RAB2A: variants seen among roughly 807,000 people sequenced by gnomAD.
RAB2A encodes ras-related protein Rab-2A.
Under a neutral mutation model 32.5 loss-of-function variants are expected in RAB2A, and 7 were observed. That is an observed-to-expected ratio of 0.22 (90% CI 0.12 to 0.40). RAB2A has a LOEUF of 0.40. Among genes scored for constraint, RAB2A ranks in the 10% least tolerant of loss-of-function variants. The pLI is 1.00. For missense variants in RAB2A, 108 were observed against 260.7 expected (o/e 0.41, Z 4.03); for synonymous variants, 79 against 85.2 (o/e 0.93, Z 0.40).
At chr8:60,611,643 A>G (rs1406084043) in intron 6 of RAB2A, among the ~76,000 whole-genome samples, 1 of 152,242 alleles carries the variant, frequency 6.6e-6, no homozygotes, top group East Asian at 1.9e-4. Context: ...CTAAATTGCT[A>G]AGGAATTAAA....
chr8:60,585,171 C>T (rs1016883140), intron 5 of RAB2A, among the ~76,000 whole-genome samples: 2 of 152,166 alleles, frequency 1.3e-5, no homozygotes, highest in African/African-American at 4.8e-5. Flanking sequence ...AACCTTCTTG[C>T]TTGACCAGTT....
At chr8:60,550,494 C>T (rs2130824894) in intron 1 of RAB2A, among the ~76,000 whole-genome samples, 1 of 152,112 alleles carries the variant, frequency 6.6e-6, no homozygotes, top group African/African-American at 2.4e-5. Context: ...AAGCGATCCT[C>T]CCACCTCAGC....
intron 2 of RAB2A, among the ~76,000 whole-genome samples, chr8:60,568,519 A>T (rs954556853): frequency 6.6e-6 from 1 of 152,178 alleles, no homozygotes; most frequent in Non-Finnish European, 1.5e-5. Flanking sequence ...AAAAAATCTC[A>T]TGAGATAGGT....
intron 1 of RAB2A, among the ~76,000 whole-genome samples, chr8:60,540,828 C>T (rs1220848366): frequency 6.6e-6 from 1 of 152,074 alleles, no homozygotes; most frequent in East Asian, 1.9e-4. Context: ...AATGTTAAAA[C>T]AATATGGAAG....
chr8:60,586,058 T>C (rs1208080682), intron 5 of RAB2A, among the ~76,000 whole-genome samples: 8 of 152,180 alleles, frequency 5.3e-5, no homozygotes, highest in Non-Finnish European at 8.8e-5. Flanking sequence ...CCCAACACTT[T>C]GGGAGGCCCA....
At chr8:60,549,479 C>CT (rs34956255) in intron 1 of RAB2A, among the ~76,000 whole-genome samples, 17,864 of 139,264 alleles carry the variant, frequency 0.13, 1,374 homozygotes, top group East Asian at 0.26. Context: ...CTCCACCAAC[C>CT]TTTTTTTTTT....
chr8:60,548,565 A>C (rs1159800154), intron 1 of RAB2A, among the ~76,000 whole-genome samples: 387 of 66,656 alleles, frequency 5.8e-3, no homozygotes, highest in Admixed American at 9.3e-3. Flanking sequence ...GGCAGAGGGG[A>C]TCCTCACTTC....
intron 3 of RAB2A, among the ~76,000 whole-genome samples, chr8:60,575,093 G>GGT (rs1491174395): frequency 1.6e-5 from 2 of 128,144 alleles, no homozygotes; most frequent in African/African-American, 2.9e-5. Context: ...TTTTTTGGGG[G>GGT]TTTTTTTTTT....
chr8:60,618,936 T>G (rs925194407), intron 7 of RAB2A: 1 of 152,960 alleles, frequency 6.5e-6, no homozygotes, highest in Non-Finnish European at 1.5e-5. Flanking sequence ...ATAATATAAA[T>G]CCCCCAAAGA....
chr8:60,608,595 C>T (rs1804282501), intron 6 of RAB2A, among the ~76,000 whole-genome samples: 1 of 149,846 alleles, frequency 6.7e-6, no homozygotes, highest in Admixed American at 6.6e-5. Context: ...CCCTCCCTCC[C>T]TCCCTCTTCC....
intron 1 of RAB2A, among the ~76,000 whole-genome samples, chr8:60,520,442 C>A (rs4621838): frequency 1.3e-5 from 2 of 152,178 alleles, no homozygotes; most frequent in African/African-American, 4.8e-5. Flanking sequence ...AATTTTTCTT[C>A]TGAAATTCTA....
At chr8:60,618,733 TTATTTTA>T in intron 7 of RAB2A, 85 bp downstream of exon 7, 2 of 474,678 alleles carry the variant, frequency 4.2e-6, no homozygotes, top group Non-Finnish European at 5.9e-6. Flanking sequence ...TTATAATTCA[TTATTTTA>T]TAATTTTTTT....
chr8:60,534,543 A>G (rs1318932811), intron 1 of RAB2A, among the ~76,000 whole-genome samples: 1 of 152,240 alleles, frequency 6.6e-6, no homozygotes, highest in Admixed American at 6.5e-5. Context: ...ACTTATTTGA[A>G]TAATTGTCCA....
intron 6 of RAB2A, among the ~76,000 whole-genome samples, chr8:60,614,963 A>G (rs1390373534): frequency 6.6e-6 from 1 of 152,210 alleles, no homozygotes; most frequent in Non-Finnish European, 1.5e-5. Context: ...CTGCAGAGAA[A>G]TCTGTTTATA....
At chr8:60,594,540 T>C (rs1328106446) in intron 6 of RAB2A, among the ~76,000 whole-genome samples, 2 of 152,218 alleles carry the variant, frequency 1.3e-5, no homozygotes, top group African/African-American at 4.8e-5. Flanking sequence ...CGAGCAGGTT[T>C]GTTACCTAGG....
chr8:60,568,532 TA>T (rs1041810334), intron 2 of RAB2A, among the ~76,000 whole-genome samples: 1 of 152,182 alleles, frequency 6.6e-6, no homozygotes, highest in African/African-American at 2.4e-5. Flanking sequence ...AGATAGGTAT[TA>T]TGAATACCAT....
chr8:60,544,526 G>C (rs557596604), intron 1 of RAB2A, among the ~76,000 whole-genome samples: 1 of 147,580 alleles, frequency 6.8e-6, no homozygotes, highest in Non-Finnish European at 1.5e-5. Context: ...CTCTGAAGTA[G>C]GAATGCTATT....
chr8:60,539,236 A>G (rs139617795), intron 1 of RAB2A, among the ~76,000 whole-genome samples: 2 of 152,216 alleles, frequency 1.3e-5, no homozygotes, highest in African/African-American at 4.8e-5. Context: ...TAAACTGATA[A>G]TAAAAGTACC....
intron 3 of RAB2A, among the ~76,000 whole-genome samples, chr8:60,579,746 G>C (rs1251444648): frequency 6.6e-6 from 1 of 151,780 alleles, no homozygotes; most frequent in Non-Finnish European, 1.5e-5. Flanking sequence ...TCCTGCCTCA[G>C]CTTCCCGAGT....
Sources: gnomAD v4.1 joint callset for allele counts (sites outside exome capture counted in the v4.1 genomes callset) on GRCh38, gnomAD v4.1.1 for gene constraint, MANE v1.5 for transcripts, NCBI Gene and HGNC (gene_info 2026-07-23, HGNC 2026-07-21) for gene names.